TEK: variants seen among roughly 807,000 people sequenced by gnomAD.
TEK encodes angiopoietin-1 receptor.
Under a neutral mutation model 131.8 loss-of-function variants are expected in TEK, and 43 were observed. The observed-to-expected ratio is 0.33, with a 90% CI of 0.26 to 0.42. The LOEUF is 0.42. Ranked by LOEUF, TEK falls within the 10% of genes least tolerant of loss-of-function variation. The probability of loss-of-function intolerance (pLI) is 1.00; values close to 1 mark genes in which losing one functional copy is unlikely to be tolerated. For missense variants in TEK, 1,162 were observed against 1,384.4 expected (o/e 0.84, Z 2.55); for synonymous variants, 580 against 491.6 (o/e 1.18, Z -2.38).
intron 12 of TEK, 132 bp downstream of exon 12, chr9:27,197,731 C>G: frequency 9.2e-7 from 1 of 1,083,230 alleles, no homozygotes. Context: ...CTAATTAGTG[C>G]CCCCCACCTA....
intron 1 of TEK, among the ~76,000 whole-genome samples, chr9:27,151,394 TAGAG>T (rs1358925811): frequency 2.0e-5 from 3 of 152,112 alleles, no homozygotes; most frequent in Non-Finnish European, 2.9e-5. Context: ...AACTTTAAGA[TAGAG>T]AAAGAACATT....
chr9:27,188,411 A>G (rs1195706930), intron 9 of TEK, among the ~76,000 whole-genome samples: 1 of 152,234 alleles, frequency 6.6e-6, no homozygotes, highest in Non-Finnish European at 1.5e-5. Context: ...ACTAAGAGGA[A>G]GCCTTTGTAG....
intron 22 of TEK, 73 bp from the exon 23 acceptor site, chr9:27,229,085 T>A: frequency 7.4e-7 from 1 of 1,358,850 alleles, no homozygotes; most frequent in South Asian, 1.2e-5. Flanking sequence ...AAAACCAAGG[T>A]ATTGCTGTAA....
At chr9:27,154,668 C>G (rs943474868) in intron 1 of TEK, among the ~76,000 whole-genome samples, 1 of 152,108 alleles carries the variant, frequency 6.6e-6, no homozygotes, top group Admixed American at 6.6e-5. Context: ...AAGACTCATC[C>G]TAGGAAGCTG....
At chr9:27,198,968 TA>T (rs1373092957) in intron 12 of TEK, among the ~76,000 whole-genome samples, 6 of 152,122 alleles carry the variant, frequency 3.9e-5, no homozygotes, top group African/African-American at 1.4e-4. Context: ...TGACTTTTTT[TA>T]AAAATTTTTT....
chr9:27,195,661 C>T (rs1166350141), intron 11 of TEK: 1 of 455,956 alleles, frequency 2.2e-6, no homozygotes. Context: ...ACACTATTTC[C>T]TCCTTTGTCC....
At chr9:27,133,490 A>T (rs113462587) in intron 1 of TEK, among the ~76,000 whole-genome samples, 1,702 of 152,340 alleles carry the variant, frequency 0.011, 40 homozygotes, top group African/African-American at 0.039. Context: ...ATCTTCCAAC[A>T]TAGCCTCCTT....
At chr9:27,140,463 G>C (rs1234429460) in intron 1 of TEK, among the ~76,000 whole-genome samples, 1 of 150,932 alleles carries the variant, frequency 6.6e-6, no homozygotes, top group Non-Finnish European at 1.5e-5. Context: ...CTGTTTCATT[G>C]GTGAATAAAT....
intron 6 of TEK, among the ~76,000 whole-genome samples, chr9:27,176,849 T>C (rs1824189098): frequency 6.6e-6 from 1 of 152,196 alleles, no homozygotes; most frequent in Non-Finnish European, 1.5e-5. Flanking sequence ...CCCCATTTCC[T>C]CCACCCTGTA....
intron 1 of TEK, among the ~76,000 whole-genome samples, chr9:27,110,667 G>A (rs1821305257): frequency 6.6e-6 from 1 of 152,050 alleles, no homozygotes; most frequent in Non-Finnish European, 1.5e-5. Context: ...TATTTTCTAG[G>A]TGTTTGAACT....
intron 9 of TEK, among the ~76,000 whole-genome samples, chr9:27,190,194 G>T (rs1586991131): frequency 6.6e-6 from 1 of 152,246 alleles, no homozygotes; most frequent in Middle Eastern, 3.4e-3. Context: ...CTAGGTGAGG[G>T]GAAGAGGAGG....
chr9:27,210,435 A>G (rs2131221772), intron 16 of TEK: 1 of 198,538 alleles, frequency 5.0e-6, no homozygotes, highest in South Asian at 1.1e-4. Context: ...GTGTTATGAC[A>G]GGAAGCCAAG....
chr9:27,173,029 C>T (rs1824021913), intron 5 of TEK, among the ~76,000 whole-genome samples, 193 bp from the exon 6 acceptor site: 1 of 152,036 alleles, frequency 6.6e-6, no homozygotes, highest in African/African-American at 2.4e-5. Context: ...GAGTGATGTC[C>T]CTGATGTCTG....
At chr9:27,158,244 A>C (rs1296566602) in intron 2 of TEK, 102 bp downstream of exon 2, 1 of 1,308,280 alleles carries the variant, frequency 7.6e-7, no homozygotes, top group African/African-American at 1.4e-5. Context: ...GCACTACCTG[A>C]ATGTAGAGCT....
intron 1 of TEK, among the ~76,000 whole-genome samples, chr9:27,137,466 T>C (rs923156358): frequency 6.6e-6 from 1 of 151,972 alleles, no homozygotes; most frequent in Non-Finnish European, 1.5e-5. Flanking sequence ...CTTAAAAGAA[T>C]AGATACCTAA....
intron 1 of TEK, among the ~76,000 whole-genome samples, chr9:27,152,249 A>C (rs755401057): frequency 4.6e-5 from 7 of 152,162 alleles, no homozygotes; most frequent in Non-Finnish European, 7.3e-5. Flanking sequence ...ATTCCACCCA[A>C]TACTACAATT....
intron 18 of TEK, among the ~76,000 whole-genome samples, chr9:27,215,051 T>G (rs1199497599): frequency 1.3e-5 from 2 of 152,282 alleles, no homozygotes; most frequent in South Asian, 4.2e-4. Flanking sequence ...ACTCCAGCAC[T>G]TGGGGGATGT....
chr9:27,179,803 C>G (rs554573135), intron 6 of TEK, among the ~76,000 whole-genome samples: 3 of 152,152 alleles, frequency 2.0e-5, no homozygotes, highest in Non-Finnish European at 4.4e-5. Context: ...GACTCTGTCT[C>G]TGATGCATCA....
intron 16 of TEK, chr9:27,210,403 C>A (rs139767335): frequency 0.011 from 2,108 of 187,634 alleles, 75 homozygotes; most frequent in Admixed American, 0.08. Context: ...GGCAAGGATT[C>A]TCTGGATGCC....
Sources: allele counts gnomAD v4.1 joint callset (sites outside exome capture counted in the v4.1 genomes callset), GRCh38; gene constraint gnomAD v4.1.1; transcripts MANE v1.5; gene names NCBI Gene and HGNC (gene_info 2026-07-23, HGNC 2026-07-21).